Variants in SLC8A3 observed in about 807,000 individuals in gnomAD.
SLC8A3 encodes the protein solute carrier family 8 member A3, also known as sodium/calcium exchanger 3.
Under a neutral mutation model 65.4 loss-of-function variants are expected in SLC8A3, and 37 were observed. The ratio of observed to expected loss-of-function variants is 0.57; its 90% confidence interval spans 0.44 to 0.74. The LOEUF (loss-of-function observed/expected upper bound fraction) is 0.74. Among genes scored for constraint, SLC8A3 ranks in the 30% least tolerant of loss-of-function variants. SLC8A3 has a pLI of 0.00. For synonymous variants in SLC8A3, 461 were observed against 444.5 expected (o/e 1.04, Z -0.47); for missense variants, 1,112 against 1,172.1 (o/e 0.95, Z 0.75).
At chr14:70,127,733 A>AG (rs1037459258) in intron 2 of SLC8A3, among the ~76,000 whole-genome samples, 95 of 152,190 alleles carry the variant, frequency 6.2e-4, no homozygotes, top group African/African-American at 2.1e-3. Context: ...GCCCTTATAG[A>AG]GGGGGGATTT....
intron 1 of SLC8A3, among the ~76,000 whole-genome samples, chr14:70,187,671 G>A (rs1883433228): frequency 1.3e-5 from 2 of 151,406 alleles, no homozygotes; most frequent in African/African-American, 2.4e-5. Flanking sequence ...GGGGATCGGG[G>A]GAGGGTTAGT....
chr14:70,128,704 T>C (rs527288718), intron 2 of SLC8A3, among the ~76,000 whole-genome samples: 1 of 152,270 alleles, frequency 6.6e-6, no homozygotes, highest in Non-Finnish European at 1.5e-5. Context: ...TTTTTGAACA[T>C]GTTTCCTCTT....
At position 70,046,282 on chromosome 14, in the gene SLC8A3, C is replaced by T; in HGVS notation, c.2431G>A (p.Ala811Thr). ...GTCACGTTGCCAATGGAGGCGTCTG[C>T]ATATACATCCTGGAGGGCAGCAGCT... is the stretch of plus-strand genomic sequence containing the variant. Reference protein sequence around the residue: ...SKAAALQDVYADASIGNVTGS... With the variant: ...SKAAALQDVYTDASIGNVTGS... The change falls in exon 7 of 7, where the codon GCA becomes ACA. Residue 811 changes from alanine (A) to threonine (T), a missense_variant. Physicochemically the swap from Ala to Thr is moderately conservative, Grantham distance 58 (BLOSUM62 0). Transcript: ENST00000356921. This position sits in a 1 kb window ranked among gnomAD's most constrained non-coding sequence, Gnocchi z 4.2. 1.9e-6 allele frequency: 3 copies of T among 1,613,442 alleles called. No homozygotes were observed. The highest frequency in any genetic ancestry group is 2.5e-6 in the Non-Finnish European group (3 of 1,179,588).
At chr14:70,084,414 G>C (rs552365137) in intron 2 of SLC8A3, among the ~76,000 whole-genome samples, 1 of 152,182 alleles carries the variant, frequency 6.6e-6, no homozygotes, top group Non-Finnish European at 1.5e-5. Flanking sequence ...CTGTGAGCGG[G>C]TGGTTATCTT....
At chr14:70,174,897 C>T (rs997842283) in intron 1 of SLC8A3, among the ~76,000 whole-genome samples, 1 of 152,094 alleles carries the variant, frequency 6.6e-6, no homozygotes, top group Admixed American at 6.5e-5. Flanking sequence ...TGCCTCAACC[C>T]GTGTGGGCAG....
intron 2 of SLC8A3, among the ~76,000 whole-genome samples, chr14:70,121,926 C>A (rs1321977461): frequency 6.6e-6 from 1 of 152,108 alleles, no homozygotes; most frequent in Admixed American, 6.5e-5. Flanking sequence ...TTAGGACATC[C>A]TTTTTTCATA....
At chr14:70,094,691 T>C (rs887539484) in intron 2 of SLC8A3, among the ~76,000 whole-genome samples, 3 of 152,066 alleles carry the variant, frequency 2.0e-5, no homozygotes, top group African/African-American at 7.2e-5. Flanking sequence ...AGACAGAATG[T>C]CCCCCCTGCT....
rs75783435 is a variant in SLC8A3 at position 70,113,464 on chromosome 14, T to A, written c.1785-52525A>T. On this transcript the variant is annotated intron_variant, in intron 2 of 6. Coordinates refer to ENST00000356921, the MANE Select transcript of SLC8A3 (RefSeq NM_182932.3). ...CAAAACATCATTATGCAGCGCATGA[T>A]TGTATCTAGAACTGGCCTGACCAGT... is the stretch of plus-strand genomic sequence containing the variant. Among the ~76,000 whole-genome samples the A allele has an allele frequency of 3.2e-4, 49 of 152,310 alleles. No individual in the cohort carries two copies. In the South Asian group the frequency reaches 0.01, roughly 32 times the overall value.
intron 1 of SLC8A3, among the ~76,000 whole-genome samples, chr14:70,181,927 G>A (rs1228689098): frequency 6.6e-6 from 1 of 152,192 alleles, no homozygotes; most frequent in Non-Finnish European, 1.5e-5. Flanking sequence ...TACAGTCATG[G>A]TAAGGATTAA....
intron 2 of SLC8A3, among the ~76,000 whole-genome samples, chr14:70,108,475 C>A (rs1043115770): frequency 1.3e-5 from 2 of 151,846 alleles, no homozygotes; most frequent in Non-Finnish European, 2.9e-5. Flanking sequence ...TTCATTCTTA[C>A]AATGTCCCTG....
At chr14:70,083,942 C>A (rs1262477715) in intron 2 of SLC8A3, among the ~76,000 whole-genome samples, 5 of 152,186 alleles carry the variant, frequency 3.3e-5, no homozygotes, top group Non-Finnish European at 7.3e-5. Context: ...TATTACAACA[C>A]AGAAGAGAAG....
chr14:70,074,370 G>A (rs971075759), intron 2 of SLC8A3, among the ~76,000 whole-genome samples: 1 of 152,208 alleles, frequency 6.6e-6, no homozygotes, highest in African/African-American at 2.4e-5. Flanking sequence ...TAGGTCCCAG[G>A]CTATTGAAGG....
At chr14:70,079,334 A>G (rs1184801314) in intron 2 of SLC8A3, among the ~76,000 whole-genome samples, 2 of 131,408 alleles carry the variant, frequency 1.5e-5, no homozygotes, top group African/African-American at 5.7e-5. Context: ...AAAATACAAA[A>G]AAAAAAAAAA....
intron 2 of SLC8A3, among the ~76,000 whole-genome samples, chr14:70,155,887 C>T (rs957973215): frequency 6.6e-6 from 1 of 152,200 alleles, no homozygotes; most frequent in African/African-American, 2.4e-5. Flanking sequence ...CTCTACTCAA[C>T]CCCCAAAATA....
intron 2 of SLC8A3, among the ~76,000 whole-genome samples, chr14:70,139,091 T>C (rs1895403094): frequency 6.6e-6 from 1 of 152,158 alleles, no homozygotes; most frequent in African/African-American, 2.4e-5. Context: ...CAGTTGAGGA[T>C]AGACACCTCC....
At chr14:70,078,087 T>C (rs757098520) in intron 2 of SLC8A3, among the ~76,000 whole-genome samples, 1 of 152,238 alleles carries the variant, frequency 6.6e-6, no homozygotes, top group Non-Finnish European at 1.5e-5. Flanking sequence ...TTTGTTTATA[T>C]GGCACATCTC....
intron 2 of SLC8A3, among the ~76,000 whole-genome samples, chr14:70,072,967 A>T (rs1456254936): frequency 6.6e-6 from 1 of 151,896 alleles, no homozygotes; most frequent in Non-Finnish European, 1.5e-5. Context: ...ATATTTTCAA[A>T]TTTTTCCATA....
chr14:70,117,764 C>A (rs1014882924), intron 2 of SLC8A3, among the ~76,000 whole-genome samples: 25 of 152,164 alleles, frequency 1.6e-4, no homozygotes, highest in African/African-American at 6.0e-4. Context: ...CCTCCAACCA[C>A]CTCCTTTAGG....
chr14:70,117,705 C>T (rs2893), intron 2 of SLC8A3, among the ~76,000 whole-genome samples: 1 of 152,064 alleles, frequency 6.6e-6, no homozygotes, highest in Non-Finnish European at 1.5e-5. Context: ...AGAGGACTCA[C>T]CCTGCACGTG....
Sources: allele counts gnomAD v4.1 joint callset (sites outside exome capture counted in the v4.1 genomes callset), GRCh38; gene constraint gnomAD v4.1.1; non-coding constraint Gnocchi (gnomAD v3.1); transcripts MANE v1.5; gene names NCBI Gene and HGNC (gene_info 2026-07-23, HGNC 2026-07-21).